Variants in UBE2Z observed in about 807,000 individuals in gnomAD.
UBE2Z encodes the protein ubiquitin conjugating enzyme E2 Z.
Under a neutral mutation model 32.6 loss-of-function variants are expected in UBE2Z, and 10 were observed. The observed-to-expected ratio is 0.31, with a 90% confidence interval of 0.19 to 0.52. UBE2Z has a LOEUF of 0.52. UBE2Z is among the 20% of genes least tolerant of loss of function. The pLI, the probability that UBE2Z is intolerant of heterozygous loss-of-function variation, is 0.97. For missense variants in UBE2Z, 343 were observed against 480.9 expected (o/e 0.71, Z 2.68); for synonymous variants, 183 against 190.8 (o/e 0.96, Z 0.34).
intron 3 of UBE2Z, among the ~76,000 whole-genome samples, chr17:48,915,352 C>T (rs1468707021): frequency 2.0e-5 from 3 of 152,118 alleles, no homozygotes; most frequent in Admixed American, 6.6e-5. Flanking sequence ...AGGTTGTGTT[C>T]GGCTTCCAGC....
At chr17:48,911,377 C>G (rs559422156) in intron 2 of UBE2Z, 30 of 159,086 alleles carry the variant, frequency 1.9e-4, no homozygotes, top group South Asian at 8.8e-4. Context: ...TTAAGTATCC[C>G]TTCCACCCCA....
chr17:48,909,422 T>C (rs1447963486), intron 1 of UBE2Z, among the ~76,000 whole-genome samples: 1 of 151,946 alleles, frequency 6.6e-6, no homozygotes, highest in Admixed American at 6.6e-5. Flanking sequence ...CCTTTTCCAG[T>C]GTCCCAAAGC....
intron 2 of UBE2Z, chr17:48,911,594 C>G (rs928482522): frequency 6.6e-6 from 1 of 152,156 alleles, no homozygotes; most frequent in Non-Finnish European, 1.5e-5. Flanking sequence ...CAGTAAATTT[C>G]TTACAGTAAA....
At chr17:48,913,278 G>A (rs1029618526) in intron 3 of UBE2Z, among the ~76,000 whole-genome samples, 3 of 152,098 alleles carry the variant, frequency 2.0e-5, no homozygotes, top group Non-Finnish European at 4.4e-5. Flanking sequence ...ACTTGTAGCC[G>A]AGCAGTTTCT....
Position 48,927,454 on chromosome 17 carries a change from C to T in UBE2Z, c.*320C>T, listed in dbSNP as rs995460855. ...AACACACCTCTCCACAGGGCCAGCTCCTTAGGGATAAGTGGAAGATGGAAA... is the reference window on the plus strand; with the variant it reads ...AACACACCTCTCCACAGGGCCAGCTTCTTAGGGATAAGTGGAAGATGGAAA... On this transcript the variant is annotated 3_prime_UTR_variant, in exon 7 of 7. Transcript: ENST00000360943. 5 of 254,538 alleles carry T rather than the reference C, an allele frequency of 2.0e-5. No homozygotes were observed. Among genetic ancestry groups the T allele is most frequent in the Non-Finnish European group, 3.1e-5 (4 of 128,708 alleles). 15.8% of individuals were successfully genotyped at this position (254,538 alleles called of 1,614,324 possible).
At chr17:48,926,436 C>G (rs945873132) in intron 6 of UBE2Z, among the ~76,000 whole-genome samples, 6 of 151,342 alleles carry the variant, frequency 4.0e-5, no homozygotes, top group Non-Finnish European at 7.4e-5. Context: ...CATTTTCACT[C>G]TAGCCCAAGC....
chr17:48,917,593 G>A (rs1425597129), intron 4 of UBE2Z, among the ~76,000 whole-genome samples: 1 of 152,154 alleles, frequency 6.6e-6, no homozygotes, highest in Non-Finnish European at 1.5e-5. Flanking sequence ...GACTTTTTGA[G>A]TTAACAGTGC....
rs2040807928 is a variant in UBE2Z at position 48,927,852 on chromosome 17, A to G, written c.*718A>G. 1 of 152,598 alleles carries G rather than the reference A, an allele frequency of 6.6e-6. No homozygotes were observed. Among genetic ancestry groups the G allele is most frequent in the Non-Finnish European group, 1.5e-5 (1 of 68,060 alleles). The allele number at this position is 152,598 out of a possible 1,614,324, so 9.5% of individuals were successfully genotyped here. A position where few individuals can be genotyped will look rare whatever the true frequency, so the allele number is the denominator to read the frequency against. On this transcript the variant is annotated 3_prime_UTR_variant, in exon 7 of 7. Coordinates refer to ENST00000360943, the MANE Select transcript of UBE2Z (RefSeq NM_023079.5). ...AGAAAGTAAATGTGACTGGGACTTAACCAAGGTCTTGGTAAAGCCTGCATG... is the reference window on the plus strand; with the variant it reads ...AGAAAGTAAATGTGACTGGGACTTAGCCAAGGTCTTGGTAAAGCCTGCATG...
chr17:48,915,803 A>G (rs2040714535), intron 3 of UBE2Z: 1 of 366,348 alleles, frequency 2.7e-6, no homozygotes, highest in South Asian at 4.3e-5. Flanking sequence ...GATTGTCGTA[A>G]CTGTTTCTAG....
chr17:48,926,228 AC>A (rs141115175), intron 6 of UBE2Z, among the ~76,000 whole-genome samples: 204 of 152,282 alleles, frequency 1.3e-3, no homozygotes, highest in African/African-American at 4.7e-3. Context: ...CCTGCTTCTG[AC>A]CTTAGAAAAG....
intron 6 of UBE2Z, 59 bp downstream of exon 6, chr17:48,922,996 C>T: frequency 6.8e-7 from 1 of 1,474,688 alleles, no homozygotes. Context: ...TAAAAGCCCC[C>T]CACAAGCGTG....
chr17:48,908,768 T>C lies in UBE2Z; in HGVS notation c.265T>C (p.Ser89Pro). ...TAGCCACTGGGACCCCACGCTCAGC[T>C]CCGACTGGGACGGCGAGCGCACCGC... ...LLSHWDPTLSSDWDGERTAPQ... is the reference protein window; with the variant it reads ...LLSHWDPTLSPDWDGERTAPQ... Residue 89 changes from serine to proline, a missense_variant, in exon 1 of 7, where the codon TCC becomes CCC. Ser to Pro is a moderately conservative substitution (Grantham distance 74, BLOSUM62 -1). Transcript: ENST00000360943. The C allele has an allele frequency of 1.3e-6, 2 of 1,506,472 alleles. No homozygotes were observed. The highest frequency in any genetic ancestry group is 1.8e-6 in the Non-Finnish European group (2 of 1,132,462). The allele number at this position is 1,506,472 out of a possible 1,614,324, so 93.3% of individuals were successfully genotyped here.
At chr17:48,917,179 G>A (rs745427374) in intron 4 of UBE2Z, among the ~76,000 whole-genome samples, 2 of 152,078 alleles carry the variant, frequency 1.3e-5, no homozygotes, top group South Asian at 2.1e-4. Context: ...GGTGGCAGGC[G>A]CCTGTAGTCC....
intron 2 of UBE2Z, 107 bp from the exon 3 acceptor site, chr17:48,912,727 C>A: frequency 8.5e-7 from 1 of 1,179,156 alleles, no homozygotes; most frequent in Non-Finnish European, 1.2e-6. Flanking sequence ...AACATGTGTA[C>A]CAGATTATGG....
intron 6 of UBE2Z, 185 bp downstream of exon 6, chr17:48,923,122 C>G (rs201553225): frequency 6.3e-5 from 30 of 479,316 alleles, no homozygotes; most frequent in East Asian, 3.2e-4. Flanking sequence ...GAAATTGAGA[C>G]CATCCTGGCT....
Position 48,927,227 on chromosome 17 carries a change from C to T in UBE2Z, c.*93C>T. ...ATGGAGAGGCACTGTGTATCTCCCTCCAGACTCGAAGTCATCCTGCAAGAT... is the reference window on the plus strand; with the variant it reads ...ATGGAGAGGCACTGTGTATCTCCCTTCAGACTCGAAGTCATCCTGCAAGAT... On this transcript the variant is annotated 3_prime_UTR_variant, in exon 7 of 7. Coordinates refer to ENST00000360943, the MANE Select transcript of UBE2Z (RefSeq NM_023079.5). 1.5e-6 allele frequency: 2 copies of T among 1,351,488 alleles called. No homozygotes were observed. Among genetic ancestry groups the T allele is most frequent in the East Asian group, 2.5e-5 (1 of 40,724 alleles). 83.7% of individuals were successfully genotyped at this position (1,351,488 alleles called of 1,614,324 possible).
At chr17:48,923,054 G>T (rs952645464) in intron 6 of UBE2Z, 117 bp downstream of exon 6, 3 of 922,070 alleles carry the variant, frequency 3.3e-6, no homozygotes, top group African/African-American at 3.3e-5. Flanking sequence ...GGGTTCAGTG[G>T]CTCATGCCTG....
At chr17:48,917,660 C>T (rs2040730153) in intron 4 of UBE2Z, among the ~76,000 whole-genome samples, 1 of 152,172 alleles carries the variant, frequency 6.6e-6, no homozygotes, top group African/African-American at 2.4e-5. Context: ...GTGCTGGACA[C>T]TACCAAGTTT....
intron 5 of UBE2Z, 140 bp from the exon 6 acceptor site, chr17:48,922,707 C>T: frequency 1.9e-6 from 1 of 518,060 alleles, no homozygotes; most frequent in African/African-American, 2.0e-5. Context: ...GCAGAGGTCA[C>T]AGTGAGCTGA....
Sources: gnomAD v4.1 joint callset for allele counts (sites outside exome capture counted in the v4.1 genomes callset) on GRCh38, gnomAD v4.1.1 for gene constraint, MANE v1.5 for transcripts, NCBI Gene and HGNC (gene_info 2026-07-23, HGNC 2026-07-21) for gene names.